The following STAB2 variants were observed in gnomAD, a reference collection of about 807,000 sequenced individuals.
STAB2 encodes stabilin-2.
A neutral mutation model predicts 338.1 loss-of-function variants in STAB2; 288 were observed. That is an observed-to-expected ratio of 0.85 (90% confidence interval 0.77 to 0.94). STAB2 has a LOEUF of 0.94. Ranked by LOEUF, STAB2 falls within the 40% of genes least tolerant of loss-of-function variation. The pLI is 0.00. For missense variants in STAB2, 3,141 were observed against 3,210.1 expected, an observed-to-expected ratio of 0.98 and a Z score of 0.52; for synonymous variants, 1,202 against 1,193.3, an observed-to-expected ratio of 1.01 and a Z score of -0.15.
intron 52 of STAB2, 60 bp from the exon 53 acceptor site, chr12:103,737,574 T>TTGTG: frequency 3.0e-6 from 3 of 1,015,892 alleles, no homozygotes; most frequent in Non-Finnish European, 4.0e-6. Flanking sequence ...GATTGACTGT[T>TTGTG]TCTCTCTCTC....
chr12:103,743,590 GAA>G (rs1453890769), intron 56 of STAB2, among the ~76,000 whole-genome samples: 1 of 152,166 alleles, frequency 6.6e-6, no homozygotes, highest in Non-Finnish European at 1.5e-5. Context: ...GGCAGTGCGG[GAA>G]AGACTCCATG....
intron 17 of STAB2, among the ~76,000 whole-genome samples, 165 bp downstream of exon 17, chr12:103,660,928 A>G (rs1874554515): frequency 6.6e-6 from 1 of 152,198 alleles, no homozygotes. Flanking sequence ...CTGAGCAACT[A>G]CATGCGTGAG....
chr12:103,650,625 C>T, intron 11 of STAB2, 47 bp downstream of exon 11: 2 of 1,490,800 alleles, frequency 1.3e-6, no homozygotes, highest in African/African-American at 1.4e-5. Flanking sequence ...TATGAAAAGC[C>T]TTAGTAGGGA....
At chr12:103,681,849 C>T (rs1288232773) in intron 25 of STAB2, among the ~76,000 whole-genome samples, 1 of 151,794 alleles carries the variant, frequency 6.6e-6, no homozygotes, top group Non-Finnish European at 1.5e-5. Context: ...TCGATGTCTT[C>T]ACCTCATGAT....
chr12:103,679,231 TGTG>T (rs1466890692), intron 25 of STAB2, among the ~76,000 whole-genome samples: 9 of 152,004 alleles, frequency 5.9e-5, no homozygotes, highest in African/African-American at 1.7e-4. Context: ...AGTCGGGCAT[TGTG>T]GTGCATGCCT....
At chr12:103,623,195 C>G (rs1463701987) in intron 5 of STAB2, among the ~76,000 whole-genome samples, 2 of 152,102 alleles carry the variant, frequency 1.3e-5, no homozygotes, top group African/African-American at 4.8e-5. Context: ...GCCTGATGCC[C>G]CAGGGAGCTC....
intron 5 of STAB2, among the ~76,000 whole-genome samples, chr12:103,623,303 A>G (rs566581132): frequency 1.3e-5 from 2 of 152,306 alleles, no homozygotes; most frequent in South Asian, 4.1e-4. Context: ...AGATGTCCAC[A>G]TCCACATCCA....
chr12:103,609,977 G>A (rs1342236867), intron 3 of STAB2, among the ~76,000 whole-genome samples: 1 of 152,152 alleles, frequency 6.6e-6, no homozygotes, highest in Non-Finnish European at 1.5e-5. Flanking sequence ...CTGTTTATAT[G>A]CTGGATTATG....
intron 1 of STAB2, among the ~76,000 whole-genome samples, 173 bp from the exon 2 acceptor site, chr12:103,590,724 T>C (rs1956782983): frequency 6.6e-6 from 1 of 152,154 alleles, no homozygotes; most frequent in Non-Finnish European, 1.5e-5. Context: ...TCAATACTCT[T>C]TCCAGATAAG....
intron 52 of STAB2, 69 bp downstream of exon 52, chr12:103,735,649 T>C: frequency 8.1e-7 from 1 of 1,231,954 alleles, no homozygotes; most frequent in Non-Finnish European, 1.1e-6. Context: ...CCCCAACAAC[T>C]GCCCCTTCAA....
intron 44 of STAB2, among the ~76,000 whole-genome samples, chr12:103,720,357 A>T (rs1415018021): frequency 3.3e-5 from 5 of 152,226 alleles, no homozygotes. Context: ...TTGTAAAATT[A>T]TAGGCCATCA....
At chr12:103,615,135 G>A (rs1957189246) in intron 3 of STAB2, among the ~76,000 whole-genome samples, 1 of 152,198 alleles carries the variant, frequency 6.6e-6, no homozygotes, top group South Asian at 2.1e-4. Context: ...ATCCACAAGA[G>A]CAGTGAGGGT....
Position 103,715,899 on chromosome 12 carries a change from C to T in STAB2, c.4611+11C>T. The T allele has an allele frequency of 6.2e-7, 1 of 1,613,864 alleles. No homozygotes were observed. ...ACAGGACCCAACCAGGTGAGTGCCA[C>T]CTCTCCCAGGCCCTTAGGTTTCCTA... On this transcript the variant is annotated intron_variant, in intron 43 of 68. Transcript: ENST00000388887.
chr12:103,758,377 A>C, intron 64 of STAB2, 88 bp downstream of exon 64: 4 of 1,580,396 alleles, frequency 2.5e-6, no homozygotes, highest in Non-Finnish European at 3.4e-6. Flanking sequence ...CTGAAAACTC[A>C]GTGGCTACAC....
At chr12:103,604,992 C>T (rs563836245) in intron 3 of STAB2, among the ~76,000 whole-genome samples, 3 of 151,528 alleles carry the variant, frequency 2.0e-5, no homozygotes, top group Non-Finnish European at 3.0e-5. Flanking sequence ...CAATAAATTT[C>T]CTTGTAAGCA....
intron 3 of STAB2, among the ~76,000 whole-genome samples, chr12:103,618,883 G>C (rs769712906): frequency 6.6e-6 from 1 of 152,152 alleles, no homozygotes. Context: ...AGGGACCCAG[G>C]GGGAGGTAAT....
intron 1 of STAB2, among the ~76,000 whole-genome samples, chr12:103,589,652 A>G (rs1374761270): frequency 3.9e-5 from 6 of 152,204 alleles, no homozygotes; most frequent in Admixed American, 3.9e-4. Context: ...GGAAGAGTAG[A>G]AGTTGAGAAA....
intron 6 of STAB2, among the ~76,000 whole-genome samples, chr12:103,635,326 G>C (rs1957527220): frequency 1.3e-5 from 2 of 152,208 alleles, no homozygotes; most frequent in South Asian, 4.1e-4. Flanking sequence ...AAAACGTGAA[G>C]CCTTATCAAT....
At chr12:103,655,151 G>T in intron 13 of STAB2, 100 bp from the exon 14 acceptor site, 2 of 1,121,592 alleles carry the variant, frequency 1.8e-6, no homozygotes, top group Middle Eastern at 2.3e-4. Flanking sequence ...AATCCATACT[G>T]ACACATAAAC....
Sources: allele counts gnomAD v4.1 joint callset (sites outside exome capture counted in the v4.1 genomes callset), GRCh38; gene constraint gnomAD v4.1.1; transcripts MANE v1.5; gene names NCBI Gene and HGNC (gene_info 2026-07-23, HGNC 2026-07-21).